The following AP1G2 variants were observed in gnomAD, a reference collection of about 807,000 sequenced individuals.
The protein encoded by AP1G2 is AP-1 complex subunit gamma-like 2.
In AP1G2, 85 loss-of-function variants were observed where a neutral mutation model predicts 95.8. The observed-to-expected ratio is 0.89, with a 90% CI of 0.74 to 1.06. The LOEUF (loss-of-function observed/expected upper bound fraction) is 1.06, where lower values mean the gene tolerates loss of function less well. Among genes scored for constraint, AP1G2 ranks in the 50% least tolerant of loss-of-function variants. AP1G2 has a pLI of 0.00. For synonymous variants in AP1G2, 378 were observed against 400.0 expected, an observed-to-expected ratio of 0.94 and a Z score of 0.66; for missense variants, 967 against 1,005.8, an observed-to-expected ratio of 0.96 and a Z score of 0.52.
chr14:23,565,099 A>T lies in AP1G2; in HGVS notation c.822+20T>A, dbSNP rs1412779672. 1 of 1,613,478 alleles carries T rather than the reference A, an allele frequency of 6.2e-7. No homozygotes were observed. Among genetic ancestry groups the T allele is most frequent in the Non-Finnish European group, 8.5e-7 (1 of 1,179,382 alleles). The stretch of plus-strand genomic sequence containing the variant: ...GGGTCTCCAAGCAACACAGCTAACC[A>T]GTGCCCTCCCAGGCCCCACCTGGGC... On this transcript the variant is annotated intron_variant, in intron 8 of 21. Coordinates refer to ENST00000397120, the MANE Select transcript of AP1G2 (RefSeq NM_003917.5).
Position 23,566,134 on chromosome 14 carries a change from G to A in AP1G2, c.498C>T (p.Ile166=), listed in dbSNP as rs1320288434. Reference sequence around the variant, plus strand: ...CACTGGAGAGTTCAGGGACCTTCCGGATCATGTGCACTGCAGTCAGAATAG... The same window carrying A: ...CACTGGAGAGTTCAGGGACCTTCCGAATCATGTGCACTGCAGTCAGAATAG... ...KKAILTAVHM[I]RKVPELSSVF... Residue 166 remains isoleucine (I), a synonymous_variant, in exon 5 of 22, where the codon ATC becomes ATT. Transcript: ENST00000397120. The A allele has an allele frequency of 6.2e-7, 1 of 1,608,242 alleles. No individual in the cohort carries two copies. Among genetic ancestry groups the A allele is most frequent in the Admixed American group, 1.7e-5 (1 of 59,676 alleles).
Position 23,565,805 on chromosome 14 carries a change from C to A in AP1G2, c.645+11G>T. ...CTTCCAGGCCCAGGGCCTGCCCCTT[C>A]ACCAGCCCACCTTTCGGAAGTGCCT... On this transcript the variant is annotated intron_variant, in intron 6 of 21. Coordinates refer to ENST00000397120, the MANE Select transcript of AP1G2 (RefSeq NM_003917.5). The A allele has an allele frequency of 3.1e-6, 5 of 1,587,772 alleles. No individual in the cohort carries two copies. Among genetic ancestry groups the A allele is most frequent in the Non-Finnish European group, 4.3e-6 (5 of 1,165,980 alleles).
Position 23,563,793 on chromosome 14 carries a change from C to T in AP1G2, c.1155G>A (p.Glu385=), listed in dbSNP as rs756206729. The change falls in exon 12 of 22, where the codon GAG becomes GAA. Residue 385 remains glutamate, a synonymous_variant. Coordinates refer to ENST00000397120, the MANE Select transcript of AP1G2 (RefSeq NM_003917.5). ...NSSNVRAMMQ[E]LQAFLESCPP... ...GGCAGGACTCCAGAAAGGCCTGCAG[C>T]TCTTGCATCATGGCTCGCACATTGG... The T allele has an allele frequency of 1.6e-5, 26 of 1,614,216 alleles. No individual in the cohort carries two copies. Among genetic ancestry groups the T allele is most frequent in the Non-Finnish European group, 1.6e-5 (19 of 1,180,034 alleles).
At position 23,562,603 on chromosome 14, in the gene AP1G2, A is replaced by T; in HGVS notation, c.1411-10T>A. ...CCTGCACCAGTGGTTGCTACATGGG[A>T]TAAGAAACTGCTGGGCTGGCCAGGC... On this transcript the variant is annotated splice_polypyrimidine_tract_variant and intron_variant, in intron 14 of 21. Coordinates refer to ENST00000397120, the MANE Select transcript of AP1G2 (RefSeq NM_003917.5). The T allele has an allele frequency of 6.2e-7, 1 of 1,612,782 alleles. No individual in the cohort carries two copies. Among genetic ancestry groups the T allele is most frequent in the Non-Finnish European group, 8.5e-7 (1 of 1,179,422 alleles).
At position 23,567,201 on chromosome 14, in the gene AP1G2, G is replaced by T. The variant is rs763658520; in HGVS notation, c.114C>A (p.Ser38=). The change falls in exon 2 of 22, where the codon TCC becomes TCA. Residue 38 remains serine (S), a synonymous_variant. Transcript: ENST00000397120. The surrounding 1 kb of genome is among the most constrained non-coding windows in gnomAD (Gnocchi z 5.3). Reference sequence around the variant, plus strand: ...TGTGCACTGGGTCCCCGTCGCGGAAGGAGGCCCGGATGTGGGCACACTCCT... The same window carrying T: ...TGTGCACTGGGTCCCCGTCGCGGAATGAGGCCCGGATGTGGGCACACTCCT... ...IQKECAHIRA[S]FRDGDPVHRH... 3.1e-6 allele frequency: 5 copies of T among 1,613,024 alleles called. No homozygotes were observed. The highest frequency in any genetic ancestry group is 4.2e-6 in the Non-Finnish European group (5 of 1,179,434).
intron 10 of AP1G2, 62 bp from the exon 11 acceptor site, chr14:23,564,221 C>G: frequency 1.2e-6 from 2 of 1,611,998 alleles, no homozygotes; most frequent in Non-Finnish European, 1.7e-6. Flanking sequence ...CCCGTCCTGT[C>G]CTGGGTATAG....
At chr14:23,565,046 G>C in intron 8 of AP1G2, 73 bp downstream of exon 8, 1 of 1,420,016 alleles carries the variant, frequency 7.0e-7, no homozygotes, top group Non-Finnish European at 1.0e-6. Flanking sequence ...ACAGTGACGA[G>C]TCATGTGAGG....
intron 18 of AP1G2, 34 bp downstream of exon 18, chr14:23,561,478 C>G (rs770786613): frequency 3.1e-6 from 5 of 1,613,968 alleles, no homozygotes; most frequent in Non-Finnish European, 4.2e-6. Context: ...AAGCTCAGCC[C>G]GTCTTCCTAC....
chr14:23,567,287 C>T lies in AP1G2; in HGVS notation c.28G>A (p.Asp10Asn), dbSNP rs373468280. Residue 10 changes from aspartate (D) to asparagine (N), a missense_variant, in exon 2 of 22, where the codon GAC (aspartate) becomes AAC (asparagine). Coordinates refer to ENST00000397120, the MANE Select transcript of AP1G2 (RefSeq NM_003917.5). The surrounding 1 kb of genome is among the most constrained non-coding windows in gnomAD (Gnocchi z 5.3). Reference sequence around the variant, plus strand: ...GCCCCGCGAATCTCTTCGATGAGGTCCTGAAGCTTCAGCGAAGGCACCACC... The same window carrying T: ...GCCCCGCGAATCTCTTCGATGAGGTTCTGAAGCTTCAGCGAAGGCACCACC... MVVPSLKLQDLIEEIRGAKT... is the reference protein window; with the variant it reads MVVPSLKLQNLIEEIRGAKT... 3.1e-6 allele frequency: 5 copies of T among 1,612,940 alleles called. No individual in the cohort carries two copies. Among genetic ancestry groups the T allele is most frequent in the Admixed American group, 1.7e-5 (1 of 59,606 alleles).
chr14:23,567,452 T>C lies in AP1G2; in HGVS notation c.-5-133A>G. The C allele has an allele frequency of 7.1e-7, 1 of 1,408,084 alleles. No individual in the cohort carries two copies. The allele number at this position is 1,408,084 out of a possible 1,614,324, so 87.2% of individuals were successfully genotyped here. A position where few individuals can be genotyped will look rare whatever the true frequency, so the allele number is the denominator to read the frequency against. The stretch of plus-strand genomic sequence containing the variant: ...CCTAAAATTGCGCCCGCATTTTACC[T>C]TTCCCGAAGTGGGTCTCCAAATTCC... On this transcript the variant is annotated intron_variant, in intron 1 of 21. Coordinates refer to ENST00000397120, the MANE Select transcript of AP1G2 (RefSeq NM_003917.5). The surrounding 1 kb of genome is among the most constrained non-coding windows in gnomAD (Gnocchi z 5.3).
chr14:23,559,893 T>G (rs745311053), intron 21 of AP1G2, 43 bp from the exon 22 acceptor site: 13 of 1,610,642 alleles, frequency 8.1e-6, no homozygotes, highest in South Asian at 5.5e-5. Flanking sequence ...ACCCACGGCT[T>G]CTTCTATCCC....
intron 7 of AP1G2, 44 bp downstream of exon 7, chr14:23,565,562 T>C: frequency 6.6e-7 from 1 of 1,516,420 alleles, no homozygotes; most frequent in Non-Finnish European, 9.2e-7. Context: ...CTTACTGCTA[T>C]GCCCTCTCTG....
At chr14:23,562,774 AAG>A (rs1307948316) in intron 14 of AP1G2, 181 bp from the exon 15 acceptor site, 1 of 651,000 alleles carries the variant, frequency 1.5e-6, no homozygotes, top group African/African-American at 1.8e-5. Flanking sequence ...GAGAGAAAGA[AAG>A]AAACACTGCT....
chr14:23,567,569 A>C lies in AP1G2; in HGVS notation c.-6+170T>G, dbSNP rs1325819595. 3.1e-6 allele frequency: 4 copies of C among 1,298,156 alleles called. No homozygotes were observed. Among genetic ancestry groups the C allele is most frequent in the Middle Eastern group, 2.9e-4 (1 of 3,468 alleles). The allele number at this position is 1,298,156 out of a possible 1,614,324, so 80.4% of individuals were successfully genotyped here. A position where few individuals can be genotyped will look rare whatever the true frequency, so the allele number is the denominator to read the frequency against. The stretch of plus-strand genomic sequence containing the variant: ...TTGAGCATGCGCGGGAGCCCCACCT[A>C]TTTCTCTCTACCGTTTCCTCCCCCT... On this transcript the variant is annotated intron_variant, in intron 1 of 21. Transcript: ENST00000397120. This position sits in a 1 kb window ranked among gnomAD's most constrained non-coding sequence, Gnocchi z 5.3.
In AP1G2 at chr14:23,567,104, C is replaced by T. The variant is rs753709512; in HGVS notation, c.204+7G>A. 1.2e-6 allele frequency: 2 copies of T among 1,607,920 alleles called. No homozygotes were observed. Among genetic ancestry groups the T allele is most frequent in the Non-Finnish European group, 1.7e-6 (2 of 1,177,146 alleles). ...AAGCTCAGGAGGGAGGTATTCCTGGCCAGTACCTGTCCAAAGTGGGCGGGG... is the reference window on the plus strand; with the variant it reads ...AAGCTCAGGAGGGAGGTATTCCTGGTCAGTACCTGTCCAAAGTGGGCGGGG... On this transcript the variant is annotated splice_region_variant and intron_variant, in intron 2 of 21. Coordinates refer to ENST00000397120, the MANE Select transcript of AP1G2 (RefSeq NM_003917.5). This position sits in a 1 kb window ranked among gnomAD's most constrained non-coding sequence, Gnocchi z 5.3.
At position 23,563,756 on chromosome 14, in the gene AP1G2, G is replaced by A. The variant is rs375198511; in HGVS notation, c.1192C>T (p.Arg398Trp). 71 of 1,614,078 alleles carry A rather than the reference G, an allele frequency of 4.4e-5. No individual in the cohort carries two copies. Among genetic ancestry groups the A allele is most frequent in the African/African-American group, 6.7e-5 (5 of 74,942 alleles). Residue 398 changes from arginine to tryptophan, a missense_variant, in exon 12 of 22, where the codon CGG becomes TGG. By Grantham distance (101) the Arg-to-Trp change is moderately radical. Transcript: ENST00000397120. ...AGGATGCCTGAGGCACAGTCAGCCC[G>A]TAGGTCAGGAGGGCAGGACTCCAGA... ...AFLESCPPDL[R>W]ADCASGILLA...
rs768979520 is a variant in AP1G2, at chr14:23,562,305, G to T, written c.1611C>A (p.Arg537=). Residue 537 remains arginine, a synonymous_variant, in exon 16 of 22, where the codon CGC becomes CGA. Transcript: ENST00000397120. ...CTTCTTACTTGTTGTCCCCACAGAG[G>T]CGAGTGCTGAGCTTCATGAGGGCTG... ...ALTALMKLST[R]LCGDNNRIRQ... The T allele has an allele frequency of 1.2e-6, 2 of 1,614,200 alleles. No homozygotes were observed. The highest frequency in any genetic ancestry group is 1.7e-6 in the Non-Finnish European group (2 of 1,180,022).
In AP1G2 at chr14:23,560,256, T is replaced by C; in HGVS notation, c.2156A>G (p.Lys719Arg). 3 of 1,613,358 alleles carry C rather than the reference T, an allele frequency of 1.9e-6. No homozygotes were observed. The highest frequency in any genetic ancestry group is 1.7e-6 in the Non-Finnish European group (2 of 1,180,010). ...THFICQAAVP[K>R]SLQLQLQAPS... ...CTCTGAACTCTGATCTTTACAAACC[T>C]TGGGCACAGCAGCCTGGCAGATGAA... is the stretch of plus-strand genomic sequence containing the variant. Residue 719 changes from lysine to arginine, a missense_variant and splice_region_variant, in exon 20 of 22, where the codon AAG (lysine) becomes AGG (arginine). Lys to Arg is a conservative substitution (Grantham distance 26, BLOSUM62 2). Coordinates refer to ENST00000397120, the MANE Select transcript of AP1G2 (RefSeq NM_003917.5).
intron 11 of AP1G2, 39 bp downstream of exon 11, chr14:23,564,007 C>G (rs781170946): frequency 8.1e-6 from 13 of 1,611,790 alleles, no homozygotes; most frequent in Non-Finnish European, 1.0e-5. Flanking sequence ...GCACTGGGAA[C>G]CTCTGCCCTG....
Sources: allele counts gnomAD v4.1 joint callset, GRCh38; gene constraint gnomAD v4.1.1; non-coding constraint Gnocchi (gnomAD v3.1); transcripts MANE v1.5; gene names NCBI Gene and HGNC (gene_info 2026-07-23, HGNC 2026-07-21).